The following NOL4L variants were observed in gnomAD, a reference collection of about 807,000 sequenced individuals.
NOL4L encodes nucleolar protein 4-like.
In NOL4L, 7 loss-of-function variants were observed where a neutral mutation model predicts 64.5. That is an observed-to-expected ratio of 0.11 (90% CI 0.06 to 0.20). NOL4L has a LOEUF of 0.20. NOL4L is among the 10% of genes least tolerant of loss of function. NOL4L has a pLI of 1.00. For missense variants in NOL4L, 680 were observed against 967.1 expected, an observed-to-expected ratio of 0.70 and a Z score of 3.94; for synonymous variants, 413 against 401.0, an observed-to-expected ratio of 1.03 and a Z score of -0.36.
Position 32,464,729 on chromosome 20 carries a change from T to G in NOL4L, c.842-8334A>C, listed in dbSNP as rs2014395619. 1 of 300,196 alleles carries G rather than the reference T, an allele frequency of 3.3e-6. No homozygotes were observed. The highest frequency in any genetic ancestry group is 6.1e-6 in the Non-Finnish European group (1 of 164,204). 18.6% of individuals were successfully genotyped at this position (300,196 alleles called of 1,614,324 possible). A position where few individuals can be genotyped will look rare whatever the true frequency, so the allele number is the denominator to read the frequency against. On this transcript the variant is annotated intron_variant, in intron 5 of 10. Transcript: ENST00000621426. The surrounding 1 kb of genome is among the most constrained non-coding windows in gnomAD (Gnocchi z 5.6). The stretch of plus-strand genomic sequence containing the variant: ...ACAGAGTGGGAGCCGCATGAGGGAT[T>G]TGAGTGCCCTAGTACCCACATTTTA...
chr20:32,476,132 C>T (rs2015377299), intron 4 of NOL4L, among the ~76,000 whole-genome samples: 2 of 151,498 alleles, frequency 1.3e-5, no homozygotes, highest in African/African-American at 4.8e-5. Flanking sequence ...AGGCTGCCTG[C>T]TCCATAAACA....
Position 32,443,657 on chromosome 20 carries a change from C to G in NOL4L, c.*3939G>C, listed in dbSNP as rs1257167102. ...TCTCAGATATGGAACTCATGCTCTT[C>G]CAAAACATGTCTAAATTATGCCAGA... On this transcript the variant is annotated 3_prime_UTR_variant, in exon 11 of 11. Coordinates refer to ENST00000621426, the MANE Select transcript of NOL4L (RefSeq NM_001256798.2). The G allele has an allele frequency of 6.6e-6, 1 of 152,206 alleles. No homozygotes were observed. The highest frequency in any genetic ancestry group is 1.5e-5 in the Non-Finnish European group (1 of 68,048). The allele number at this position is 152,206 out of a possible 1,614,324, so 9.4% of individuals were successfully genotyped here. A position where few individuals can be genotyped will look rare whatever the true frequency, so the allele number is the denominator to read the frequency against.
At position 32,507,085 on chromosome 20, in the gene NOL4L, A is replaced by C. The variant is rs79135835; in HGVS notation, c.699+4262T>G. ...GCCTCGGCTTCCTCTGGGTGGGAGA[A>C]GGAGCACAGTTGTCTCTCTGCTTCC... On this transcript the variant is annotated intron_variant, in intron 4 of 10. Transcript: ENST00000621426. Among the ~76,000 whole-genome samples the C allele has an allele frequency of 2.1e-3, 325 of 152,286 alleles. 3 individuals carry two copies. Among genetic ancestry groups the C allele is most frequent in the African/African-American group, 7.5e-3 (310 of 41,548 alleles).
chr20:32,480,380 G>A (rs1466448123), intron 4 of NOL4L, among the ~76,000 whole-genome samples: 1 of 152,208 alleles, frequency 6.6e-6, no homozygotes, highest in East Asian at 1.9e-4. Flanking sequence ...TGCAGGGGAT[G>A]TTTCTGGGCC....
At chr20:32,555,385 C>T (rs1978586375) in intron 1 of NOL4L, among the ~76,000 whole-genome samples, 1 of 152,114 alleles carries the variant, frequency 6.6e-6, no homozygotes, top group Admixed American at 6.5e-5. Flanking sequence ...CTGCAGCCTC[C>T]ATTTTCTGAG....
At chr20:32,514,821 A>G (rs1280749601) in intron 3 of NOL4L, among the ~76,000 whole-genome samples, 2 of 152,066 alleles carry the variant, frequency 1.3e-5, no homozygotes, top group Non-Finnish European at 2.9e-5. Flanking sequence ...TGGACTGAGA[A>G]TTCTGCCATT....
chr20:32,468,643 G>A (rs1600685417), intron 5 of NOL4L, among the ~76,000 whole-genome samples: 1 of 152,172 alleles, frequency 6.6e-6, no homozygotes, highest in East Asian at 1.9e-4. Flanking sequence ...GCTCACGCCT[G>A]TAATCCCTGC....
intron 1 of NOL4L, among the ~76,000 whole-genome samples, chr20:32,534,225 A>C (rs1294198314): frequency 6.6e-6 from 1 of 152,138 alleles, no homozygotes; most frequent in African/African-American, 2.4e-5. Context: ...AGAAGAAAAA[A>C]CCACAGAGAA....
At chr20:32,488,823 TTCTTTTTCTTTCTTTCTTTC>T (rs1568648719) in intron 4 of NOL4L, among the ~76,000 whole-genome samples, 59 of 17,532 alleles carry the variant, frequency 3.4e-3, no homozygotes, top group Non-Finnish European at 4.2e-3. Context: ...CTTTCTTTCT[TTCTTTTTCTTTCTTTCTTTC>T]TTTCTTTCTT....
intron 1 of NOL4L, among the ~76,000 whole-genome samples, chr20:32,561,950 C>T (rs1979046972): frequency 6.6e-6 from 1 of 152,122 alleles, no homozygotes; most frequent in South Asian, 2.1e-4. Context: ...GGTCATGCCA[C>T]TGCACTCCAG....
chr20:32,567,285 C>T (rs1221795202), intron 1 of NOL4L, among the ~76,000 whole-genome samples: 1 of 152,216 alleles, frequency 6.6e-6, no homozygotes, highest in Non-Finnish European at 1.5e-5. Flanking sequence ...CACTCTCCAT[C>T]CCGGTTCCCA....
intron 1 of NOL4L, among the ~76,000 whole-genome samples, chr20:32,571,692 C>G (rs1307560013): frequency 6.6e-6 from 1 of 152,244 alleles, no homozygotes; most frequent in Admixed American, 6.5e-5. Flanking sequence ...CACTCTCTCC[C>G]TGTCCTAACC....
At chr20:32,458,108 C>T (rs372902162) in intron 5 of NOL4L, among the ~76,000 whole-genome samples, 80 of 152,316 alleles carry the variant, frequency 5.3e-4, no homozygotes, top group Middle Eastern at 3.4e-3. Context: ...TGCTCTCCAG[C>T]GCCCAGGCCA....
At chr20:32,568,497 G>A (rs1300931815) in intron 1 of NOL4L, among the ~76,000 whole-genome samples, 5 of 151,692 alleles carry the variant, frequency 3.3e-5, no homozygotes, top group Admixed American at 2.0e-4. Flanking sequence ...TCTCTGCTCT[G>A]CACACACTGG....
chr20:32,464,812 T>C lies in NOL4L; in HGVS notation c.842-8417A>G, dbSNP rs2014403572. 9.9e-6 allele frequency: 4 copies of C among 404,974 alleles called. No individual in the cohort carries two copies. The highest frequency in any genetic ancestry group is 1.8e-5 in the Non-Finnish European group (4 of 227,242). 25.1% of individuals were successfully genotyped at this position (404,974 alleles called of 1,614,324 possible). On this transcript the variant is annotated intron_variant, in intron 5 of 10. Coordinates refer to ENST00000621426, the MANE Select transcript of NOL4L (RefSeq NM_001256798.2). The surrounding 1 kb of genome is among the most constrained non-coding windows in gnomAD (Gnocchi z 5.6). ...TAATAATCTACTTTATTTAACCCAA[T>C]ATATCCAAAATAGTACCATTTCAAC... is the stretch of plus-strand genomic sequence containing the variant.
chr20:32,531,016 A>G (rs1029372439), intron 1 of NOL4L, among the ~76,000 whole-genome samples: 1 of 152,262 alleles, frequency 6.6e-6, no homozygotes, highest in Non-Finnish European at 1.5e-5. Context: ...TTTAAAAAGG[A>G]TATCATGGGG....
At chr20:32,545,469 G>A (rs1474996078) in intron 1 of NOL4L, among the ~76,000 whole-genome samples, 1 of 152,204 alleles carries the variant, frequency 6.6e-6, no homozygotes, top group Non-Finnish European at 1.5e-5. Flanking sequence ...CAGCCGACTG[G>A]ACTGAAAGCA....
chr20:32,535,596 T>C, intron 1 of NOL4L: 1 of 985,528 alleles, frequency 1.0e-6, no homozygotes, highest in South Asian at 4.7e-5. Flanking sequence ...CAAATCACGC[T>C]GGGGACCAAA....
chr20:32,551,501 C>G (rs1444525993), intron 1 of NOL4L, among the ~76,000 whole-genome samples: 1 of 152,098 alleles, frequency 6.6e-6, no homozygotes, highest in Non-Finnish European at 1.5e-5. Flanking sequence ...CATGACTGTA[C>G]TGATACATGC....
Sources: allele counts gnomAD v4.1 joint callset (sites outside exome capture counted in the v4.1 genomes callset), GRCh38; gene constraint gnomAD v4.1.1; non-coding constraint Gnocchi (gnomAD v3.1); transcripts MANE v1.5; gene names NCBI Gene and HGNC (gene_info 2026-07-23, HGNC 2026-07-21).